Variants in GRM1 observed in about 807,000 individuals in gnomAD.
The protein encoded by GRM1 is glutamate metabotropic receptor 1.
GRM1 carries 33 observed loss-of-function variants against 90.9 expected under a neutral mutation model. That is an observed-to-expected ratio of 0.36 (90% CI 0.28 to 0.49). The LOEUF (loss-of-function observed/expected upper bound fraction) is 0.49. Among genes scored for constraint, GRM1 ranks in the 20% least tolerant of loss-of-function variants. GRM1 has a pLI of 0.99. For synonymous variants in GRM1, 700 were observed against 613.2 expected (o/e 1.14, Z -2.09); for missense variants, 1,190 against 1,534.3 (o/e 0.78, Z 3.75).
In GRM1 at chr6:146,244,615, G is replaced by T. The variant is rs368204782; in HGVS notation, c.951-59996G>T. ...TCCAGCTACTTCATTGGCTAGGCAG[G>T]GTTTTGGGGTAGCCTACGAATCAGA... On this transcript the variant is annotated intron_variant, in intron 2 of 7. Coordinates refer to ENST00000282753, the MANE Select transcript of GRM1 (RefSeq NM_001278064.2). 1.4e-3 allele frequency among the ~76,000 whole-genome samples: 210 copies of T among 152,308 alleles called. 1 individual carries two copies. Among genetic ancestry groups the T allele is most frequent in the African/African-American group, 4.9e-3 (202 of 41,566 alleles).
chr6:146,399,244 C>T lies in GRM1; in HGVS notation c.2205C>T (p.Ser735=), dbSNP rs2114583025. 2 of 1,614,030 alleles carry T rather than the reference C, an allele frequency of 1.2e-6. No individual in the cohort carries two copies. Among genetic ancestry groups the T allele is most frequent in the East Asian group, 2.2e-5 (1 of 44,866 alleles). Residue 735 remains serine, a synonymous_variant, in exon 7 of 8, where the codon TCC becomes TCT. Coordinates refer to ENST00000282753, the MANE Select transcript of GRM1 (RefSeq NM_001278064.2). This position sits in a 1 kb window ranked among gnomAD's most constrained non-coding sequence, Gnocchi z 5.4. The stretch of plus-strand genomic sequence containing the variant: ...TGGAACCCCCTATGCCCATTCTGTC[C>T]TACCCAAGTATCAAGGAAGTCTACC... The part of the protein sequence containing the change: ...IIMEPPMPIL[S]YPSIKEVYLI...
At chr6:146,296,909 C>A (rs535209588) in intron 2 of GRM1, among the ~76,000 whole-genome samples, 40 of 152,290 alleles carry the variant, frequency 2.6e-4, no homozygotes, top group Non-Finnish European at 4.6e-4. Flanking sequence ...AGCTGTCTGA[C>A]TTCTACGATT....
intron 1 of GRM1, among the ~76,000 whole-genome samples, chr6:146,032,649 T>C (rs1021001723): frequency 6.6e-6 from 1 of 152,164 alleles, no homozygotes; most frequent in Non-Finnish European, 1.5e-5. Flanking sequence ...GTCTGAGCAC[T>C]ATTCAGCAAG....
intron 1 of GRM1, among the ~76,000 whole-genome samples, chr6:146,092,377 C>T (rs1318222244): frequency 1.3e-5 from 2 of 152,108 alleles, no homozygotes; most frequent in Non-Finnish European, 2.9e-5. Context: ...TCCGTAACAT[C>T]AACTATCTTC....
chr6:146,272,118 G>C (rs1782184963), intron 2 of GRM1, among the ~76,000 whole-genome samples: 1 of 152,060 alleles, frequency 6.6e-6, no homozygotes. Context: ...CTCCCTTATG[G>C]ATATAGATAC....
At chr6:146,285,379 C>T (rs906833815) in intron 2 of GRM1, among the ~76,000 whole-genome samples, 5 of 152,204 alleles carry the variant, frequency 3.3e-5, no homozygotes, top group African/African-American at 1.2e-4. Context: ...CAAAGCTGCA[C>T]TTCTCCTTGT....
At chr6:146,356,764 C>T (rs1293394482) in intron 4 of GRM1, among the ~76,000 whole-genome samples, 1 of 152,078 alleles carries the variant, frequency 6.6e-6, no homozygotes, top group Non-Finnish European at 1.5e-5. Flanking sequence ...ATCTTGCGTT[C>T]TTTAGATTGC....
chr6:146,246,152 G>A (rs1781052679), intron 2 of GRM1, among the ~76,000 whole-genome samples: 1 of 152,176 alleles, frequency 6.6e-6, no homozygotes, highest in Non-Finnish European at 1.5e-5. Flanking sequence ...ATTCCAGGAG[G>A]AAATTCTCGA....
At chr6:146,132,094 G>GCTGGCAAAA (rs572419589) in intron 1 of GRM1, among the ~76,000 whole-genome samples, 40 of 152,190 alleles carry the variant, frequency 2.6e-4, no homozygotes, top group Admixed American at 7.2e-4. Flanking sequence ...AAGAAGTAAG[G>GCTGGCAAAA]CTGGCAAAAC....
At chr6:146,271,206 A>G (rs1054748769) in intron 2 of GRM1, among the ~76,000 whole-genome samples, 21 of 151,758 alleles carry the variant, frequency 1.4e-4, no homozygotes, top group African/African-American at 4.6e-4. Flanking sequence ...AGGTTTCACT[A>G]TGTTGGCCAG....
intron 1 of GRM1, among the ~76,000 whole-genome samples, chr6:146,080,079 T>A (rs917903839): frequency 6.6e-6 from 1 of 152,156 alleles, no homozygotes; most frequent in African/African-American, 2.4e-5. Flanking sequence ...AAGTGTGAGA[T>A]TTTGGTGGCC....
At chr6:146,143,229 T>C (rs1583064634) in intron 1 of GRM1, among the ~76,000 whole-genome samples, 1 of 152,348 alleles carries the variant, frequency 6.6e-6, no homozygotes, top group East Asian at 1.9e-4. Context: ...AAACTTTTCT[T>C]CCATACCCTA....
At chr6:146,081,747 G>A (rs1235387648) in intron 1 of GRM1, among the ~76,000 whole-genome samples, 3 of 152,154 alleles carry the variant, frequency 2.0e-5, no homozygotes, top group Admixed American at 6.5e-5. Flanking sequence ...TGTTGTGCGA[G>A]CTAGGTTGTA....
chr6:146,239,288 A>G lies in GRM1; in HGVS notation c.951-65323A>G, dbSNP rs115225215. Among the ~76,000 whole-genome samples the G allele has an allele frequency of 4.1e-3, 621 of 152,270 alleles. 6 individuals are homozygous for G. The highest frequency in any genetic ancestry group is 0.014 in the African/African-American group (594 of 41,568). The stretch of plus-strand genomic sequence containing the variant: ...CACTCCTTCTCTAAAAAATGTATCT[A>G]CGAAGTCTTTGAGATATTTCCACTA... On this transcript the variant is annotated intron_variant, in intron 2 of 7. Transcript: ENST00000282753.
At chr6:146,109,805 G>T (rs1775483054) in intron 1 of GRM1, among the ~76,000 whole-genome samples, 1 of 152,234 alleles carries the variant, frequency 6.6e-6, no homozygotes, top group East Asian at 1.9e-4. Flanking sequence ...GGGAACCCCT[G>T]TCATGCATCA....
intron 7 of GRM1, among the ~76,000 whole-genome samples, chr6:146,400,730 C>A (rs1444865101): frequency 6.6e-6 from 1 of 152,068 alleles, no homozygotes; most frequent in Non-Finnish European, 1.5e-5. Flanking sequence ...TCATTTTCTC[C>A]ACCAGCAGCA....
rs75369739 is a variant in GRM1, at chr6:146,410,744, C to G, written c.2660+11045C>G. On this transcript the variant is annotated intron_variant, in intron 7 of 7. Coordinates refer to ENST00000282753, the MANE Select transcript of GRM1 (RefSeq NM_001278064.2). ...GAGCGTATTCTAGGCAGAGGGACCA[C>G]GATGTAAAGAGATTTGGAGGCAAAC... 4.1e-3 allele frequency among the ~76,000 whole-genome samples: 623 copies of G among 151,810 alleles called. 2 individuals carry two copies. Among genetic ancestry groups the G allele is most frequent in the African/African-American group, 0.014 (582 of 41,348 alleles).
chr6:146,199,258 G>A (rs971254864), intron 2 of GRM1, among the ~76,000 whole-genome samples: 2 of 152,106 alleles, frequency 1.3e-5, no homozygotes, highest in Non-Finnish European at 2.9e-5. Context: ...ACTTTGCTCA[G>A]CTCTTTATTC....
rs1372877348 is a variant in GRM1 at position 146,419,934 on chromosome 6, G to C, written c.2661-13938G>C. On this transcript the variant is annotated intron_variant, in intron 7 of 7. Transcript: ENST00000282753. ...CCAAACCATATTCCTGAGTTTCCAGGCTTGGGCTTGGCAGAGAATCAATGG... is the reference window on the plus strand; with the variant it reads ...CCAAACCATATTCCTGAGTTTCCAGCCTTGGGCTTGGCAGAGAATCAATGG... 6.6e-5 allele frequency among the ~76,000 whole-genome samples: 10 copies of C among 152,268 alleles called. No individual in the cohort carries two copies. The East Asian group carries it at 1.9e-3, about 29-fold the overall frequency.
Sources: allele counts gnomAD v4.1 joint callset (sites outside exome capture counted in the v4.1 genomes callset), GRCh38; gene constraint gnomAD v4.1.1; non-coding constraint Gnocchi (gnomAD v3.1); transcripts MANE v1.5; gene names NCBI Gene and HGNC (gene_info 2026-07-23, HGNC 2026-07-21).